TASP1: variants seen among roughly 807,000 people sequenced by gnomAD.
TASP1 encodes threonine aspartase 1.
Under a neutral mutation model 56.6 loss-of-function variants are expected in TASP1, and 16 were observed. That is an observed-to-expected ratio of 0.28 (90% CI 0.19 to 0.43). The LOEUF is 0.43. Ranked by LOEUF, TASP1 falls within the 20% of genes least tolerant of loss-of-function variation. The pLI, the probability that TASP1 is intolerant of heterozygous loss-of-function variation, is 1.00. For missense variants in TASP1, 393 were observed against 511.6 expected, an observed-to-expected ratio of 0.77 and a Z score of 2.24; for synonymous variants, 179 against 184.2, an observed-to-expected ratio of 0.97 and a Z score of 0.23.
At chr20:13,470,266 GA>G (rs2044438474) in intron 11 of TASP1, among the ~76,000 whole-genome samples, 1 of 152,074 alleles carries the variant, frequency 6.6e-6, no homozygotes, top group African/African-American at 2.4e-5. Flanking sequence ...AAAAGGGGTA[GA>G]GGGGGGCACT....
chr20:13,199,023 A>T, the TASP1 span, among the ~76,000 whole-genome samples: 1 of 151,210 alleles, frequency 6.6e-6, no homozygotes, highest in Non-Finnish European at 1.5e-5. Context: ...CTCCCCTCTC[A>T]GCCTCCCAAG....
the TASP1 span, among the ~76,000 whole-genome samples, chr20:13,124,006 T>C: frequency 9.2e-5 from 14 of 152,224 alleles, no homozygotes; most frequent in African/African-American, 3.4e-4. Context: ...TGACTGCTGC[T>C]GTCTCTTTGA....
intron 4 of TASP1, among the ~76,000 whole-genome samples, chr20:13,609,387 A>G (rs1407686187): frequency 6.6e-6 from 1 of 152,194 alleles, no homozygotes; most frequent in Non-Finnish European, 1.5e-5. Context: ...AAGGTTCAAC[A>G]AAAAGTTAAA....
the TASP1 span, among the ~76,000 whole-genome samples, chr20:13,115,383 CAG>C: frequency 6.6e-6 from 1 of 152,052 alleles, no homozygotes; most frequent in African/African-American, 2.4e-5. Context: ...AAATATAAAC[CAG>C]GTGGGCAGGC....
intron 9 of TASP1, among the ~76,000 whole-genome samples, chr20:13,530,838 A>G (rs548800269): frequency 2.5e-4 from 38 of 152,314 alleles, no homozygotes; most frequent in African/African-American, 8.2e-4. Flanking sequence ...TATCCACTTC[A>G]TTGGATAAAA....
rs116776371 is a variant in TASP1 at position 13,562,156 on chromosome 20, A to C, written c.569-3042T>G. Among the ~76,000 whole-genome samples the C allele has an allele frequency of 4.3e-3, 653 of 152,330 alleles. 5 individuals carry two copies. The highest frequency in any genetic ancestry group is 0.015 in the African/African-American group (621 of 41,592). On this transcript the variant is annotated intron_variant, in intron 7 of 13. Coordinates refer to ENST00000337743, the MANE Select transcript of TASP1 (RefSeq NM_017714.3). ...GGTAGAAGAAAACTGGAAAATGCACAAATTGTGAAAACTAAAATACAGAAA... is the reference window on the plus strand; with the variant it reads ...GGTAGAAGAAAACTGGAAAATGCACCAATTGTGAAAACTAAAATACAGAAA...
chr20:13,185,557 C>A, the TASP1 span, among the ~76,000 whole-genome samples: 1 of 152,064 alleles, frequency 6.6e-6, no homozygotes, highest in Non-Finnish European at 1.5e-5. Context: ...AGAATTGTCC[C>A]TATTATTGAA....
chr20:13,281,458 A>G, the TASP1 span, among the ~76,000 whole-genome samples: 1 of 152,228 alleles, frequency 6.6e-6, no homozygotes, highest in Non-Finnish European at 1.5e-5. Context: ...GTCCCTGTTC[A>G]TGGCGTTTCA....
intron 13 of TASP1, among the ~76,000 whole-genome samples, chr20:13,400,632 C>T (rs1322151726): frequency 1.3e-5 from 2 of 152,164 alleles, no homozygotes; most frequent in Non-Finnish European, 2.9e-5. Context: ...GCAGTCCAAA[C>T]ATGTACAGTA....
intron 11 of TASP1, among the ~76,000 whole-genome samples, chr20:13,465,442 A>C (rs2044219840): frequency 6.6e-6 from 1 of 152,128 alleles, no homozygotes; most frequent in African/African-American, 2.4e-5. Context: ...AAGACCCAGC[A>C]AACATACTTT....
intron 13 of TASP1, among the ~76,000 whole-genome samples, chr20:13,414,997 C>G (rs1440323848): frequency 1.3e-5 from 2 of 152,010 alleles, no homozygotes; most frequent in African/African-American, 4.8e-5. Flanking sequence ...TTCAAATGGC[C>G]AGGTGGCCTC....
intron 8 of TASP1, among the ~76,000 whole-genome samples, chr20:13,558,385 A>C (rs1478054521): frequency 2.6e-5 from 4 of 152,200 alleles, no homozygotes; most frequent in African/African-American, 9.6e-5. Context: ...TCTACTCCCT[A>C]AACAGTCATG....
intron 11 of TASP1, among the ~76,000 whole-genome samples, chr20:13,468,477 G>C (rs1372324945): frequency 3.9e-5 from 6 of 152,028 alleles, no homozygotes; most frequent in Non-Finnish European, 7.4e-5. Context: ...TCAAATATCT[G>C]GTAGGTTTTA....
chr20:13,356,318 T>C, the TASP1 span, among the ~76,000 whole-genome samples: 1 of 152,252 alleles, frequency 6.6e-6, no homozygotes, highest in Non-Finnish European at 1.5e-5. Context: ...GGAGCAATTG[T>C]TGTAAAGCAC....
the TASP1 span, among the ~76,000 whole-genome samples, chr20:13,272,577 A>G: frequency 6.6e-6 from 1 of 152,234 alleles, no homozygotes; most frequent in Non-Finnish European, 1.5e-5. Context: ...GCACAGAGTG[A>G]CAAATATTTT....
intron 11 of TASP1, among the ~76,000 whole-genome samples, chr20:13,471,872 G>A (rs1181747143): frequency 1.3e-5 from 2 of 152,136 alleles, no homozygotes; most frequent in Admixed American, 6.5e-5. Flanking sequence ...GTGCGGCATC[G>A]CCTCATCCAG....
the TASP1 span, among the ~76,000 whole-genome samples, chr20:13,192,470 A>T: frequency 6.6e-6 from 1 of 152,084 alleles, no homozygotes; most frequent in Non-Finnish European, 1.5e-5. Flanking sequence ...AACCCAAGTG[A>T]TCAAGGCTGC....
At position 13,592,129 on chromosome 20, in the gene TASP1, T is replaced by G. The variant is rs1333868770; in HGVS notation, c.283-4759A>C. On this transcript the variant is annotated intron_variant, in intron 4 of 13. Coordinates refer to ENST00000337743, the MANE Select transcript of TASP1 (RefSeq NM_017714.3). ...TTACATTAAATTTAGCTGGGCACAG[T>G]GGCGCACACCTGTAATCCCAGCACT... Among the ~76,000 whole-genome samples, 4 of 152,200 alleles carry G rather than the reference T, an allele frequency of 2.6e-5. No individual in the cohort carries two copies. The East Asian group carries it at 7.7e-4, about 29-fold the overall frequency.
the TASP1 span, among the ~76,000 whole-genome samples, chr20:13,376,003 A>G: frequency 6.6e-6 from 1 of 151,606 alleles, no homozygotes; most frequent in African/African-American, 2.4e-5. Flanking sequence ...AGATTGAAAA[A>G]ATTTTCTCCC....
Sources: allele counts gnomAD v4.1 joint callset (sites outside exome capture counted in the v4.1 genomes callset), GRCh38; gene constraint gnomAD v4.1.1; transcripts MANE v1.5; gene names NCBI Gene and HGNC (gene_info 2026-07-23, HGNC 2026-07-21).